The following ADGRL3 variants were observed in gnomAD, a reference collection of about 807,000 sequenced individuals.
The protein encoded by ADGRL3 is calcium-independent alpha-latrotoxin receptor 3.
ADGRL3 carries 62 observed loss-of-function variants against 153.5 expected under a neutral mutation model. The observed-to-expected ratio is 0.40, with a 90% CI of 0.33 to 0.50. The LOEUF is 0.50. ADGRL3 is among the 20% of genes least tolerant of loss of function. ADGRL3 has a pLI of 0.47. For missense variants in ADGRL3, 1,641 were observed against 1,859.4 expected, an observed-to-expected ratio of 0.88 and a Z score of 2.16; for synonymous variants, 710 against 672.5, an observed-to-expected ratio of 1.06 and a Z score of -0.86.
intron 2 of ADGRL3, among the ~76,000 whole-genome samples, chr4:61,444,028 T>A (rs1246075962): frequency 6.6e-6 from 1 of 152,160 alleles, no homozygotes; most frequent in Non-Finnish European, 1.5e-5. Context: ...AGGAATGTAT[T>A]TATATTTTGT....
intron 17 of ADGRL3, among the ~76,000 whole-genome samples, chr4:61,971,257 T>C (rs961428322): frequency 4.6e-5 from 7 of 151,884 alleles, no homozygotes; most frequent in Non-Finnish European, 1.0e-4. Context: ...GCTGCACCCA[T>C]TAACTCGTCA....
At chr4:62,044,078 C>T (rs1729787268) in intron 24 of ADGRL3, among the ~76,000 whole-genome samples, 1 of 151,834 alleles carries the variant, frequency 6.6e-6, no homozygotes, top group Non-Finnish European at 1.5e-5. Context: ...CATTCCCATT[C>T]CAATAAAAGT....
At chr4:61,912,876 A>T in intron 13 of ADGRL3, 119 bp downstream of exon 13, 1 of 882,726 alleles carries the variant, frequency 1.1e-6, no homozygotes, top group Non-Finnish European at 1.8e-6. Flanking sequence ...AATTTCATGG[A>T]GGGGGAGAAG....
At chr4:61,710,504 G>T (rs574657009) in intron 6 of ADGRL3, among the ~76,000 whole-genome samples, 27 of 152,260 alleles carry the variant, frequency 1.8e-4, no homozygotes, top group Admixed American at 1.4e-3. Context: ...AGGTCCTTAT[G>T]CCCAAGTGGC....
At position 61,998,248 on chromosome 4, in the gene ADGRL3, C is replaced by T; in HGVS notation, c.3378C>T (p.Gly1126=). The T allele has an allele frequency of 6.4e-7, 1 of 1,572,132 alleles. No individual in the cohort carries two copies. Among genetic ancestry groups the T allele is most frequent in the Non-Finnish European group, 8.6e-7 (1 of 1,157,848 alleles). Residue 1126 remains glycine (G), a synonymous_variant, in exon 21 of 27, where the codon GGC becomes GGT. Coordinates refer to ENST00000683033, the MANE Select transcript of ADGRL3 (RefSeq NM_001387552.1). ...CTGCTATACTGAAACCTGAATCAGG[C>T]TGTCTTGATAACATCAAGTAAGTGA... The part of the protein sequence containing the change: ...HHTAILKPES[G]CLDNINYEDN...
intron 1 of ADGRL3, among the ~76,000 whole-genome samples, chr4:61,350,349 T>G (rs1032487689): frequency 3.3e-5 from 5 of 151,022 alleles, no homozygotes; most frequent in Non-Finnish European, 5.9e-5. Context: ...GGAGGTTTTT[T>G]TTTTTTTTTT....
intron 1 of ADGRL3, among the ~76,000 whole-genome samples, chr4:61,349,288 TA>T (rs111501335): frequency 2.0e-5 from 3 of 152,120 alleles, no homozygotes; most frequent in African/African-American, 4.8e-5. Flanking sequence ...ATTTCCTTCG[TA>T]ATTTTCAACA....
At chr4:61,520,652 C>CTGTGTGTGTGTG (rs545112505) in intron 4 of ADGRL3, among the ~76,000 whole-genome samples, 3,126 of 118,530 alleles carry the variant, frequency 0.026, 76 homozygotes, top group African/African-American at 0.043. Context: ...CTATAAACCT[C>CTGTGTGTGTGTG]TGTGTGTGTG....
At chr4:62,023,223 C>T (rs2099246182) in intron 21 of ADGRL3, among the ~76,000 whole-genome samples, 1 of 151,980 alleles carries the variant, frequency 6.6e-6, no homozygotes, top group Admixed American at 6.6e-5. Context: ...GTGGAAATAG[C>T]GAGATAACTA....
intron 1 of ADGRL3, among the ~76,000 whole-genome samples, chr4:61,291,612 A>G (rs1450009091): frequency 1.9e-3 from 13 of 6,846 alleles, no homozygotes; most frequent in Middle Eastern, 0.071. Flanking sequence ...ATACACACAC[A>G]TATATATATA....
At chr4:61,226,011 T>C (rs1747789125) in intron 1 of ADGRL3, among the ~76,000 whole-genome samples, 1 of 148,796 alleles carries the variant, frequency 6.7e-6, no homozygotes, top group Non-Finnish European at 1.5e-5. Flanking sequence ...GTAACAGCTC[T>C]CAGAGTATTC....
At chr4:61,884,096 AC>A (rs1223410375) in intron 9 of ADGRL3, among the ~76,000 whole-genome samples, 4 of 152,242 alleles carry the variant, frequency 2.6e-5, no homozygotes, top group Non-Finnish European at 5.9e-5. Flanking sequence ...AATGCCTGTC[AC>A]ATGATAGTTG....
intron 1 of ADGRL3, among the ~76,000 whole-genome samples, chr4:61,224,944 A>C (rs141469804): frequency 6.6e-6 from 1 of 152,312 alleles, no homozygotes; most frequent in Non-Finnish European, 1.5e-5. Flanking sequence ...TCTGAATGTA[A>C]TGCCAACCAT....
chr4:61,856,115 C>T (rs1356489895), intron 9 of ADGRL3, among the ~76,000 whole-genome samples: 1 of 152,068 alleles, frequency 6.6e-6, no homozygotes, highest in Non-Finnish European at 1.5e-5. Context: ...CACCTGTAAT[C>T]CTGGCACTTA....
chr4:61,836,921 A>G (rs2097945280), intron 9 of ADGRL3, among the ~76,000 whole-genome samples: 1 of 152,148 alleles, frequency 6.6e-6, no homozygotes, highest in African/African-American at 2.4e-5. Context: ...ATCATTAGAA[A>G]TTGCAATACC....
chr4:61,213,197 C>G (rs1740943448), intron 1 of ADGRL3, among the ~76,000 whole-genome samples: 1 of 152,126 alleles, frequency 6.6e-6, no homozygotes, highest in Non-Finnish European at 1.5e-5. Flanking sequence ...AATGAACAGT[C>G]TGTATGAGGG....
intron 9 of ADGRL3, among the ~76,000 whole-genome samples, chr4:61,848,655 A>C (rs1443266800): frequency 2.6e-5 from 4 of 152,110 alleles, no homozygotes; most frequent in African/African-American, 4.8e-5. Context: ...CCTGTATTCT[A>C]AATTTTATCC....
intron 9 of ADGRL3, among the ~76,000 whole-genome samples, chr4:61,873,161 T>G (rs1247116316): frequency 1.3e-5 from 2 of 152,184 alleles, no homozygotes; most frequent in Non-Finnish European, 2.9e-5. Flanking sequence ...AAATGGAGTG[T>G]CAATGAAGCC....
chr4:61,209,378 A>G (rs1220195840), intron 1 of ADGRL3, among the ~76,000 whole-genome samples: 1 of 152,208 alleles, frequency 6.6e-6, no homozygotes, highest in Non-Finnish European at 1.5e-5. Flanking sequence ...GAGTAATAGG[A>G]AGTAAATATA....
Sources: gnomAD v4.1 joint callset for allele counts (sites outside exome capture counted in the v4.1 genomes callset) on GRCh38, gnomAD v4.1.1 for gene constraint, MANE v1.5 for transcripts, NCBI Gene and HGNC (gene_info 2026-07-23, HGNC 2026-07-21) for gene names.